The following VSTM2L variants were observed in gnomAD, a reference collection of about 807,000 sequenced individuals.
VSTM2L encodes the protein V-set and transmembrane domain-containing protein 2-like protein.
Under a neutral mutation model 19.9 loss-of-function variants are expected in VSTM2L, and 9 were observed. That is an observed-to-expected ratio of 0.45 (90% confidence interval 0.27 to 0.79). VSTM2L has a LOEUF of 0.79. VSTM2L is among the 30% of genes least tolerant of loss of function. VSTM2L has a pLI of 0.15. For synonymous variants in VSTM2L, 127 were observed against 133.8 expected (o/e 0.95, Z 0.35); for missense variants, 286 against 295.5 (o/e 0.97, Z 0.24).
At chr20:37,925,188 A>T (rs895525311) in intron 1 of VSTM2L, among the ~76,000 whole-genome samples, 4 of 151,768 alleles carry the variant, frequency 2.6e-5, no homozygotes, top group African/African-American at 9.7e-5. Flanking sequence ...CTGCTTCCTG[A>T]CATTTTCAGG....
chr20:37,908,281 G>C (rs1168747909), intron 1 of VSTM2L, among the ~76,000 whole-genome samples: 1 of 152,242 alleles, frequency 6.6e-6, no homozygotes, highest in Non-Finnish European at 1.5e-5. Flanking sequence ...AAAGTCGCCT[G>C]CGGCAAACAA....
Position 37,903,328 on chromosome 20 carries a change from C to CA in VSTM2L, c.-23_-22insA. 7.0e-7 allele frequency: 1 copy of CA among 1,420,564 alleles called. No individual in the cohort carries two copies. Among genetic ancestry groups the CA allele is most frequent in the Non-Finnish European group, 9.1e-7 (1 of 1,095,402 alleles). 88.0% of individuals were successfully genotyped at this position (1,420,564 alleles called of 1,614,324 possible). A position where few individuals can be genotyped will look rare whatever the true frequency, so the allele number is the denominator to read the frequency against. On this transcript the variant is annotated 5_prime_UTR_variant, in exon 1 of 4. Coordinates refer to ENST00000373461, the MANE Select transcript of VSTM2L (RefSeq NM_080607.3). ...CCGGGGCCCAGATGTGAGGCGGCGGCGCCCCCGGCCCGAGAGCGCACGATG... is the reference window on the plus strand; with the variant it reads ...CCGGGGCCCAGATGTGAGGCGGCGGCAGCCCCCGGCCCGAGAGCGCACGATG...
rs1372751644 is a variant in VSTM2L at position 37,944,621 on chromosome 20, G to GC, written c.*374dup. 9.7e-7 allele frequency: 1 copy of GC among 1,033,834 alleles called. No homozygotes were observed. Among genetic ancestry groups the GC allele is most frequent in the Non-Finnish European group, 1.2e-6 (1 of 862,516 alleles). 64.0% of individuals were successfully genotyped at this position (1,033,834 alleles called of 1,614,324 possible). On this transcript the variant is annotated 3_prime_UTR_variant, in exon 4 of 4. Transcript: ENST00000373461. Reference sequence around the variant, plus strand: ...GTCCCCCATCCTGTCCTGAGCCGGGGCCCCCCAGCCTCGCCTCCCTCCTCC... The same window carrying GC: ...GTCCCCCATCCTGTCCTGAGCCGGGGCCCCCCCAGCCTCGCCTCCCTCCTCC...
chr20:37,935,497 C>A (rs1181896438), intron 3 of VSTM2L, among the ~76,000 whole-genome samples: 1 of 152,176 alleles, frequency 6.6e-6, no homozygotes. Flanking sequence ...CCGACCCTGG[C>A]AGCCTTTCCA....
chr20:37,910,220 T>C (rs920507375), intron 1 of VSTM2L, among the ~76,000 whole-genome samples: 1 of 152,244 alleles, frequency 6.6e-6, no homozygotes, highest in Admixed American at 6.5e-5. Flanking sequence ...ATATGATTGC[T>C]TAGGATGAGA....
chr20:37,916,496 G>T (rs1270810958), intron 1 of VSTM2L, among the ~76,000 whole-genome samples: 1 of 152,242 alleles, frequency 6.6e-6, no homozygotes, highest in Admixed American at 6.5e-5. Context: ...CCCTAGATTT[G>T]TAATTCTACT....
At chr20:37,935,072 G>A (rs1456788402) in intron 3 of VSTM2L, among the ~76,000 whole-genome samples, 1 of 152,138 alleles carries the variant, frequency 6.6e-6, no homozygotes, top group African/African-American at 2.4e-5. Context: ...TTTTGCCTGG[G>A]GTTTAAGGAG....
chr20:37,911,235 CAAA>C (rs11352183), intron 1 of VSTM2L, among the ~76,000 whole-genome samples: 2 of 45,772 alleles, frequency 4.4e-5, no homozygotes, highest in Non-Finnish European at 7.7e-5. Flanking sequence ...GACTCCATCT[CAAA>C]AAAAAAAAAA....
intron 1 of VSTM2L, among the ~76,000 whole-genome samples, chr20:37,913,976 G>A (rs2072795032): frequency 6.6e-6 from 1 of 152,116 alleles, no homozygotes; most frequent in Admixed American, 6.5e-5. Context: ...CTGGATGCGG[G>A]CGTGCACGGA....
chr20:37,928,968 T>C (rs530820487), intron 1 of VSTM2L, among the ~76,000 whole-genome samples: 6 of 152,246 alleles, frequency 3.9e-5, no homozygotes, highest in African/African-American at 1.4e-4. Context: ...ACATTTCAAG[T>C]GCTCAGCAGA....
At chr20:37,911,764 CCT>C (rs2122938315) in intron 1 of VSTM2L, among the ~76,000 whole-genome samples, 1 of 152,326 alleles carries the variant, frequency 6.6e-6, no homozygotes, top group African/African-American at 2.4e-5. Context: ...TGTCCCTGCC[CCT>C]CTCTGGGCCT....
At chr20:37,936,172 A>G (rs1331176135) in intron 3 of VSTM2L, among the ~76,000 whole-genome samples, 1 of 151,830 alleles carries the variant, frequency 6.6e-6, no homozygotes, top group Admixed American at 6.6e-5. Context: ...TTGGGATTAC[A>G]GGCATGAGGC....
intron 1 of VSTM2L, among the ~76,000 whole-genome samples, chr20:37,919,501 A>G (rs1355250643): frequency 1.3e-5 from 2 of 152,112 alleles, no homozygotes; most frequent in Non-Finnish European, 2.9e-5. Context: ...TGGGGATTTT[A>G]TGTCTCCTGA....
At chr20:37,927,918 A>C (rs1396113793) in intron 1 of VSTM2L, among the ~76,000 whole-genome samples, 2 of 152,144 alleles carry the variant, frequency 1.3e-5, no homozygotes, top group African/African-American at 4.8e-5. Flanking sequence ...GCAGTGGCTG[A>C]GTCACACTGG....
At position 37,944,912 on chromosome 20, in the gene VSTM2L, C is replaced by T. The variant is rs1289731466; in HGVS notation, c.*659C>T. On this transcript the variant is annotated 3_prime_UTR_variant, in exon 4 of 4. Coordinates refer to ENST00000373461, the MANE Select transcript of VSTM2L (RefSeq NM_080607.3). ...GGGGATCCAGGATTCTCTGCCCTGT[C>T]ACACGGCGAGTCAGAAGGGAGGGGC... 5 of 985,920 alleles carry T rather than the reference C, an allele frequency of 5.1e-6. No individual in the cohort carries two copies. Among genetic ancestry groups the T allele is most frequent in the Non-Finnish European group, 6.0e-6 (5 of 830,008 alleles). The allele number at this position is 985,920 out of a possible 1,614,324, so 61.1% of individuals were successfully genotyped here.
At position 37,933,572 on chromosome 20, in the gene VSTM2L, G is replaced by A. The variant is rs1187037647; in HGVS notation, c.325G>A (p.Glu109Lys). ...KASQQEDAGK[E>K]ATKISVVKVV... Reference sequence around the variant, plus strand: ...ATCTCAGCAGGAAGACGCAGGGAAGGAGGCAACCAAAATAAGTGTGAGTTT... The same window carrying A: ...ATCTCAGCAGGAAGACGCAGGGAAGAAGGCAACCAAAATAAGTGTGAGTTT... The change falls in exon 3 of 4, where the codon GAG (glutamate) becomes AAG (lysine). Residue 109 changes from glutamate to lysine, a missense_variant. Transcript: ENST00000373461. 1 of 1,613,812 alleles carries A rather than the reference G, an allele frequency of 6.2e-7. No individual in the cohort carries two copies. Among genetic ancestry groups the A allele is most frequent in the Non-Finnish European group, 8.5e-7 (1 of 1,180,002 alleles).
intron 3 of VSTM2L, among the ~76,000 whole-genome samples, chr20:37,940,150 G>A (rs1393772138): frequency 2.0e-5 from 3 of 152,226 alleles, no homozygotes; most frequent in African/African-American, 7.2e-5. Context: ...ATATCCGTGA[G>A]GGAAGCAGAT....
intron 1 of VSTM2L, among the ~76,000 whole-genome samples, chr20:37,914,871 G>C (rs1322674775): frequency 6.6e-6 from 1 of 152,232 alleles, no homozygotes; most frequent in Non-Finnish European, 1.5e-5. Flanking sequence ...CTTGGGATGG[G>C]GGTGGGGTCT....
chr20:37,924,379 T>C (rs1177080169), intron 1 of VSTM2L, among the ~76,000 whole-genome samples: 4 of 151,742 alleles, frequency 2.6e-5, no homozygotes, highest in Non-Finnish European at 5.9e-5. Context: ...ATGGTGAAAC[T>C]CCATCTCTAC....
Sources: allele counts gnomAD v4.1 joint callset (sites outside exome capture counted in the v4.1 genomes callset), GRCh38; gene constraint gnomAD v4.1.1; transcripts MANE v1.5; gene names NCBI Gene and HGNC (gene_info 2026-07-23, HGNC 2026-07-21).